Variants in LDB3 observed in about 807,000 individuals in gnomAD.
The protein encoded by LDB3 is LIM domain-binding protein 3.
LDB3 carries 49 observed loss-of-function variants against 69.0 expected under a neutral mutation model. The ratio of observed to expected loss-of-function variants is 0.71; its 90% CI spans 0.56 to 0.90. The LOEUF (loss-of-function observed/expected upper bound fraction) is 0.90. LDB3 is among the 40% of genes least tolerant of loss of function. The pLI is 0.00. For synonymous variants in LDB3, 387 were observed against 396.2 expected, an observed-to-expected ratio of 0.98 and a Z score of 0.28; for missense variants, 928 against 974.1, an observed-to-expected ratio of 0.95 and a Z score of 0.63.
intron 2 of LDB3, among the ~76,000 whole-genome samples, chr10:86,669,774 C>T (rs1844359453): frequency 6.6e-6 from 1 of 152,244 alleles, no homozygotes; most frequent in South Asian, 2.1e-4. Flanking sequence ...GTTCCGGGCA[C>T]AAGGCCAGAG....
chr10:86,724,619 A>T (rs921439141), intron 12 of LDB3, among the ~76,000 whole-genome samples: 12 of 151,800 alleles, frequency 7.9e-5, no homozygotes, highest in African/African-American at 2.4e-4. Flanking sequence ...AAATAAAAAT[A>T]AAAAATAAAT....
chr10:86,692,507 C>A (rs1193121846), intron 6 of LDB3, 28 bp from the exon 7 acceptor site: 1 of 1,613,324 alleles, frequency 6.2e-7, no homozygotes, highest in Non-Finnish European at 8.5e-7. Context: ...TCCCGTGAGT[C>A]CCCTGACCAG....
Position 86,709,986 on chromosome 10 carries a change from C to G in LDB3, c.1167C>G (p.Ala389=), listed in dbSNP as rs768844187. 6 of 1,613,214 alleles carry G rather than the reference C, an allele frequency of 3.7e-6. No homozygotes were observed. In the South Asian group the frequency reaches 6.6e-5, roughly 18 times the overall value. The part of the protein sequence containing the change: ...ATHTSYSEGP[A]APAPKPRVVT... ...ACACCAGCTACAGTGAGGGCCCCGC[C>G]GCCCCTGCACCCAAGCCCCGGGTTG... is the stretch of plus-strand genomic sequence containing the variant. The change falls in exon 9 of 14, where the codon GCC becomes GCG. Residue 389 remains alanine (A), a synonymous_variant. Transcript: ENST00000361373.
chr10:86,727,555 G>A (rs1847299049), intron 13 of LDB3, among the ~76,000 whole-genome samples: 2 of 152,158 alleles, frequency 1.3e-5, no homozygotes, highest in African/African-American at 2.4e-5. Flanking sequence ...GTGTCGGTTT[G>A]CTAGGGCTGT....
chr10:86,678,107 C>G (rs924391046), intron 2 of LDB3, among the ~76,000 whole-genome samples: 2 of 152,122 alleles, frequency 1.3e-5, no homozygotes, highest in Non-Finnish European at 2.9e-5. Flanking sequence ...ATAATCTTAG[C>G]TCACTACAAC....
intron 5 of LDB3, chr10:86,685,554 C>A (rs753477645): frequency 6.7e-6 from 6 of 891,594 alleles, no homozygotes; most frequent in South Asian, 1.3e-5. Context: ...CTCTCCTCAC[C>A]CATTGCGGTT....
At chr10:86,685,713 G>T in intron 5 of LDB3, 1 of 1,614,132 alleles carries the variant, frequency 6.2e-7, no homozygotes, top group Non-Finnish European at 8.5e-7. Context: ...TAGTATCAAA[G>T]GACAGCATGT....
At chr10:86,685,098 G>A (rs1284741142) in intron 5 of LDB3, among the ~76,000 whole-genome samples, 1 of 152,216 alleles carries the variant, frequency 6.6e-6, no homozygotes, top group African/African-American at 2.4e-5. Context: ...AAGAGGAGCA[G>A]CCAGAGCTGC....
chr10:86,687,198 C>T, intron 5 of LDB3: 1 of 1,614,254 alleles, frequency 6.2e-7, no homozygotes, highest in Non-Finnish European at 8.5e-7. Context: ...ACACGCCCAT[C>T]AGCATGTATT....
intron 2 of LDB3, among the ~76,000 whole-genome samples, chr10:86,672,870 G>A (rs372862894): frequency 1.1e-4 from 17 of 152,378 alleles, no homozygotes; most frequent in African/African-American, 3.4e-4. Flanking sequence ...CCAGGGCTCC[G>A]GGCCTACAGA....
In LDB3 at chr10:86,699,379, C is replaced by T; in HGVS notation, c.896+6808C>T. 6.2e-7 allele frequency: 1 copy of T among 1,613,782 alleles called. No individual in the cohort carries two copies. The highest frequency in any genetic ancestry group is 8.5e-7 in the Non-Finnish European group (1 of 1,179,934). On this transcript the variant is annotated intron_variant, in intron 7 of 13. Coordinates refer to ENST00000361373, the MANE Select transcript of LDB3 (RefSeq NM_007078.3). This position sits in a 1 kb window ranked among gnomAD's most constrained non-coding sequence, Gnocchi z 4.9. ...ATCCTTAATGTTAAAAGCTAAAAGGCTGCCTGGAATCCCCCCACCCCAACA... is the reference window on the plus strand; with the variant it reads ...ATCCTTAATGTTAAAAGCTAAAAGGTTGCCTGGAATCCCCCCACCCCAACA...
At chr10:86,676,156 T>A (rs952505157) in intron 2 of LDB3, among the ~76,000 whole-genome samples, 2 of 152,248 alleles carry the variant, frequency 1.3e-5, no homozygotes, top group African/African-American at 4.8e-5. Flanking sequence ...GCAAAGCAGA[T>A]GCTGTGGCTT....
rs1374929997 is a variant in LDB3 at position 86,712,971 on chromosome 10, G to C, written c.1231+2921G>C. Reference sequence around the variant, plus strand: ...AGCTACTCGGGAGGCTATGGCAGGAGAATCACTTGAACCCAGGAGGCAGAG... The same window carrying C: ...AGCTACTCGGGAGGCTATGGCAGGACAATCACTTGAACCCAGGAGGCAGAG... On this transcript the variant is annotated intron_variant, in intron 9 of 13. Transcript: ENST00000361373. Among the ~76,000 whole-genome samples the C allele has an allele frequency of 4.6e-5, 7 of 152,160 alleles. No individual in the cohort carries two copies. The East Asian group carries it at 1.4e-3, about 30-fold the overall frequency.
rs71016147 is a variant in LDB3, at chr10:86,669,036, T to TCAGG, written c.93+277_93+280dup. 0.29 allele frequency among the ~76,000 whole-genome samples: 43,960 copies of TCAGG among 150,820 alleles called. 8,118 individuals carry two copies. Among genetic ancestry groups the TCAGG allele is most frequent in the African/African-American group, 0.5 (20,620 of 40,932 alleles). Reference sequence around the variant, plus strand: ...TAGCAGAGAAGAAAATGCTGAGTTTTCAGGCAGGCAGGCAGGCAGGCAGGC... The same window carrying TCAGG: ...TAGCAGAGAAGAAAATGCTGAGTTTTCAGGCAGGCAGGCAGGCAGGCAGGCAGGC... On this transcript the variant is annotated intron_variant, in intron 2 of 13. Transcript: ENST00000361373.
At chr10:86,689,225 G>A (rs933563196) in intron 5 of LDB3, among the ~76,000 whole-genome samples, 3 of 151,978 alleles carry the variant, frequency 2.0e-5, no homozygotes, top group African/African-American at 7.3e-5. Flanking sequence ...CATGATGGAC[G>A]CGCACTCACG....
In LDB3 at chr10:86,681,399, C is replaced by G. The variant is rs375442009; in HGVS notation, c.322-37C>G. On this transcript the variant is annotated intron_variant, in intron 4 of 13. Transcript: ENST00000361373. The stretch of plus-strand genomic sequence containing the variant: ...GGGACGCGTGTGGCCTCTAACCGCT[C>G]TCTTCTCTCTCCCCTGCATGGCCTG... The G allele has an allele frequency of 1.3e-5, 20 of 1,598,178 alleles. No individual in the cohort carries two copies. The African/African-American group carries it at 2.4e-4, about 19-fold the overall frequency.
At position 86,733,013 on chromosome 10, in the gene LDB3, T is replaced by A; in HGVS notation, c.*37T>A. On this transcript the variant is annotated 3_prime_UTR_variant, in exon 14 of 14. Transcript: ENST00000361373. ...CGCCTGTGCTGACGAGGCCCGGAGC[T>A]GCTCCTGCTGCTGGCAACAAAGGAT... 2 of 1,423,406 alleles carry A rather than the reference T, an allele frequency of 1.4e-6. No homozygotes were observed. The highest frequency in any genetic ancestry group is 2.0e-6 in the Non-Finnish European group (2 of 1,013,858). The allele number at this position is 1,423,406 out of a possible 1,614,324, so 88.2% of individuals were successfully genotyped here. A position where few individuals can be genotyped will look rare whatever the true frequency, so the allele number is the denominator to read the frequency against.
chr10:86,703,383 G>A (rs1000017053), intron 7 of LDB3, among the ~76,000 whole-genome samples: 20 of 152,228 alleles, frequency 1.3e-4, no homozygotes, highest in African/African-American at 4.6e-4. Flanking sequence ...TTCCAGAAGC[G>A]AGGTTCTTTC....
intron 6 of LDB3, 46 bp from the exon 7 acceptor site, chr10:86,692,489 G>A: frequency 6.2e-7 from 1 of 1,601,038 alleles, no homozygotes; most frequent in South Asian, 1.1e-5. Flanking sequence ...AGCTTTCCTT[G>A]CTGTGTCTCC....
Sources: gnomAD v4.1 joint callset for allele counts (sites outside exome capture counted in the v4.1 genomes callset) on GRCh38, gnomAD v4.1.1 for gene constraint, Gnocchi (gnomAD v3.1) non-coding constraint, MANE v1.5 for transcripts, NCBI Gene and HGNC (gene_info 2026-07-23, HGNC 2026-07-21) for gene names.